ESRRG: variants seen among roughly 807,000 people sequenced by gnomAD.
The protein encoded by ESRRG is estrogen-related receptor gamma.
ESRRG carries 13 observed loss-of-function variants against 44.0 expected under a neutral mutation model. The observed-to-expected ratio is 0.30, with a 90% CI of 0.19 to 0.47. ESRRG has a LOEUF of 0.47. ESRRG is among the 20% of genes least tolerant of loss of function. ESRRG has a pLI of 1.00. For missense variants in ESRRG, 395 were observed against 580.6 expected (o/e 0.68, Z 3.29); for synonymous variants, 215 against 214.6 (o/e 1.00, Z -0.02).
At chr1:216,528,240 T>C (rs905936496) in intron 5 of ESRRG, among the ~76,000 whole-genome samples, 1 of 152,230 alleles carries the variant, frequency 6.6e-6, no homozygotes, top group Non-Finnish European at 1.5e-5. Flanking sequence ...AATGCTCTTT[T>C]CTTATAAGTG....
chr1:217,127,061 G>A (rs190822985), intron 1 of ESRRG, among the ~76,000 whole-genome samples: 8 of 151,440 alleles, frequency 5.3e-5, no homozygotes, highest in East Asian at 3.9e-4. Flanking sequence ...TTCCAATTAC[G>A]GGGTGTCAAC....
intron 1 of ESRRG, among the ~76,000 whole-genome samples, chr1:217,113,896 G>A (rs550979022): frequency 6.6e-6 from 1 of 152,166 alleles, no homozygotes; most frequent in African/African-American, 2.4e-5. Flanking sequence ...CAGAGGCTGA[G>A]GCAGGAGGAT....
intron 2 of ESRRG, among the ~76,000 whole-genome samples, chr1:216,757,238 A>G (rs1454678559): frequency 1.3e-5 from 2 of 151,986 alleles, no homozygotes; most frequent in African/African-American, 4.8e-5. Context: ...TCTACTCTAG[A>G]TTAGTCCTGC....
At chr1:217,118,154 G>A (rs1380543763) in intron 1 of ESRRG, among the ~76,000 whole-genome samples, 6 of 152,112 alleles carry the variant, frequency 3.9e-5, no homozygotes, top group Non-Finnish European at 7.4e-5. Flanking sequence ...TCATCCATGT[G>A]GGGAAACTCA....
intron 2 of ESRRG, among the ~76,000 whole-genome samples, chr1:216,844,318 A>G (rs2148905316): frequency 6.6e-6 from 1 of 152,246 alleles, no homozygotes; most frequent in Middle Eastern, 3.4e-3. Flanking sequence ...CAAAATAAGG[A>G]TTTTGACCTT....
chr1:216,538,912 G>A (rs972848710), intron 5 of ESRRG, among the ~76,000 whole-genome samples: 2 of 151,938 alleles, frequency 1.3e-5, no homozygotes, highest in East Asian at 1.9e-4. Flanking sequence ...AACAGGCAAG[G>A]GAGATGATGC....
intron 4 of ESRRG, among the ~76,000 whole-genome samples, chr1:216,566,750 A>C (rs1196722767): frequency 1.3e-5 from 2 of 152,206 alleles, no homozygotes; most frequent in Non-Finnish European, 2.9e-5. Flanking sequence ...GTATTTGCAG[A>C]ATGCCAAACA....
At chr1:216,820,845 A>T (rs377512296) in intron 2 of ESRRG, among the ~76,000 whole-genome samples, 57 of 152,220 alleles carry the variant, frequency 3.7e-4, no homozygotes, top group African/African-American at 1.4e-3. Context: ...TATACCAAAC[A>T]CCAACTCCAT....
At chr1:216,884,953 A>G (rs1306812058) in intron 2 of ESRRG, among the ~76,000 whole-genome samples, 2 of 152,102 alleles carry the variant, frequency 1.3e-5, no homozygotes, top group African/African-American at 2.4e-5. Context: ...ATGTTTTGCT[A>G]TTATGGAACA....
chr1:216,916,818 T>G (rs887111210), intron 2 of ESRRG, among the ~76,000 whole-genome samples: 1 of 133,812 alleles, frequency 7.5e-6, no homozygotes, highest in Non-Finnish European at 1.6e-5. Context: ...GGGTTCAAAT[T>G]CCACTCAGCT....
At chr1:216,635,342 G>T (rs955976626) in intron 3 of ESRRG, among the ~76,000 whole-genome samples, 2 of 152,168 alleles carry the variant, frequency 1.3e-5, no homozygotes, top group African/African-American at 4.8e-5. Flanking sequence ...TAAGCTACCC[G>T]CAGCTTTGAA....
At chr1:216,692,702 T>G (rs2151752016) in intron 1 of ESRRG, among the ~76,000 whole-genome samples, 3 of 152,312 alleles carry the variant, frequency 2.0e-5, no homozygotes, top group Middle Eastern at 3.4e-3. Context: ...TTTCCAGCCC[T>G]GTAAGCTCCA....
In ESRRG at chr1:216,842,518, A is replaced by G. The variant is rs191753069; in HGVS notation, c.-14+97064T>C. On this transcript the variant is annotated intron_variant, in intron 2 of 7. Transcript: ENST00000359162. ...TCTTCAGAGCATCAGCAGACAATAT[A>G]TGTATTCTGTCACAAACTCCACTTC... is the stretch of plus-strand genomic sequence containing the variant. 3.3e-5 allele frequency among the ~76,000 whole-genome samples: 5 copies of G among 152,266 alleles called. No individual in the cohort carries two copies. The East Asian group carries it at 9.7e-4, about 29-fold the overall frequency.
At chr1:216,686,269 C>A (rs2077931317) in intron 1 of ESRRG, 1 of 151,998 alleles carries the variant, frequency 6.6e-6, no homozygotes, top group South Asian at 2.1e-4. Context: ...CCTCTATCCT[C>A]TTTTTAAATA....
intron 5 of ESRRG, among the ~76,000 whole-genome samples, chr1:216,550,729 G>T (rs983911615): frequency 2.6e-5 from 4 of 152,088 alleles, no homozygotes; most frequent in Non-Finnish European, 5.9e-5. Flanking sequence ...CCCATATTAA[G>T]TCATGGTCAA....
chr1:216,899,127 C>T (rs1247424330), intron 2 of ESRRG, among the ~76,000 whole-genome samples: 1 of 152,140 alleles, frequency 6.6e-6, no homozygotes, highest in Admixed American at 6.6e-5. Context: ...AACATTTGGG[C>T]TGTTCTCAGG....
At chr1:216,745,726 A>G (rs2091321646) in intron 2 of ESRRG, among the ~76,000 whole-genome samples, 1 of 152,180 alleles carries the variant, frequency 6.6e-6, no homozygotes, top group African/African-American at 2.4e-5. Context: ...TCCTTGAGAA[A>G]GTTACTTAAC....
chr1:216,907,612 C>T (rs982092221), intron 2 of ESRRG, among the ~76,000 whole-genome samples: 30 of 152,316 alleles, frequency 2.0e-4, no homozygotes, highest in African/African-American at 7.0e-4. Flanking sequence ...CCTGTAACTA[C>T]CACCACCAGT....
At chr1:216,783,393 T>C (rs1289694353) in intron 2 of ESRRG, among the ~76,000 whole-genome samples, 1 of 152,074 alleles carries the variant, frequency 6.6e-6, no homozygotes, top group African/African-American at 2.4e-5. Flanking sequence ...AGCAACAGTA[T>C]AATCTGCCTT....
Sources: allele counts gnomAD v4.1 joint callset (sites outside exome capture counted in the v4.1 genomes callset), GRCh38; gene constraint gnomAD v4.1.1; transcripts MANE v1.5; gene names NCBI Gene and HGNC (gene_info 2026-07-23, HGNC 2026-07-21).